PCDHA8: variants seen among roughly 807,000 people sequenced by gnomAD.
The protein encoded by PCDHA8 is protocadherin alpha 8.
Under a neutral mutation model 61.8 loss-of-function variants are expected in PCDHA8, and 53 were observed. The ratio of observed to expected loss-of-function variants is 0.86; its 90% CI spans 0.69 to 1.08. The LOEUF is 1.08. PCDHA8 is among the 50% of genes least tolerant of loss of function. The pLI, the probability that PCDHA8 is intolerant of heterozygous loss-of-function variation, is 0.00. For synonymous variants in PCDHA8, 618 were observed against 556.6 expected (o/e 1.11, Z -1.55); for missense variants, 1,293 against 1,245.0 (o/e 1.04, Z -0.58).
intron 1 of PCDHA8, chr5:140,853,980 G>A: frequency 1.8e-6 from 1 of 544,346 alleles, no homozygotes; most frequent in Non-Finnish European, 2.4e-6. Flanking sequence ...TGAGACCAAT[G>A]TAGTGAGACT....
At chr5:140,873,078 T>A (rs1375879471) in intron 1 of PCDHA8, among the ~76,000 whole-genome samples, 19 of 152,184 alleles carry the variant, frequency 1.2e-4, no homozygotes, top group Admixed American at 9.2e-4. Flanking sequence ...ATCTAGCTAT[T>A]TCCCCCCCGT....
At chr5:140,876,315 C>G (rs2056279391) in intron 1 of PCDHA8, 1 of 1,613,840 alleles carries the variant, frequency 6.2e-7, no homozygotes, top group African/African-American at 1.3e-5. Flanking sequence ...CCTATGGGAT[C>G]AAAATGATTT....
chr5:140,945,828 A>T (rs2093847646), intron 1 of PCDHA8, among the ~76,000 whole-genome samples: 1 of 152,176 alleles, frequency 6.6e-6, no homozygotes, highest in Admixed American at 6.5e-5. Flanking sequence ...TACAAAAGTC[A>T]ACTCAAAATG....
At chr5:140,868,091 GATA>G (rs1310708872) in intron 1 of PCDHA8, 1 of 151,974 alleles carries the variant, frequency 6.6e-6, no homozygotes, top group Non-Finnish European at 1.5e-5. Context: ...TTTATAAAAT[GATA>G]ATAAAATTTA....
intron 1 of PCDHA8, among the ~76,000 whole-genome samples, chr5:140,933,146 C>G (rs1554209206): frequency 1.3e-5 from 2 of 151,920 alleles, no homozygotes. Context: ...GATAGCCACT[C>G]ATTTTGTTCC....
chr5:140,861,533 C>T (rs890249596), intron 1 of PCDHA8: 6 of 446,700 alleles, frequency 1.3e-5, no homozygotes, highest in South Asian at 7.2e-5. Context: ...TCTCGGAGTG[C>T]AGCATCCACC....
intron 1 of PCDHA8, among the ~76,000 whole-genome samples, chr5:140,903,721 C>A (rs2070530222): frequency 6.6e-6 from 1 of 152,152 alleles, no homozygotes; most frequent in Non-Finnish European, 1.5e-5. Flanking sequence ...ACAATTCTCC[C>A]TATTATCAAT....
At position 140,857,848 on chromosome 5, in the gene PCDHA8, T is replaced by C. The variant is rs781886791; in HGVS notation, c.2394+14133T>C. The C allele has an allele frequency of 1.4e-5, 23 of 1,597,666 alleles. No homozygotes were observed. The highest frequency in any genetic ancestry group is 1.9e-5 in the Non-Finnish European group (22 of 1,167,550). The stretch of plus-strand genomic sequence containing the variant: ...AGGTGCGCGCAGTGGACGCTGACTC[T>C]GGATACAACGCGTGGCTGTCGTATG... On this transcript the variant is annotated intron_variant, in intron 1 of 3. Coordinates refer to ENST00000531613, the MANE Select transcript of PCDHA8 (RefSeq NM_018911.3).
chr5:140,875,530 C>T lies in PCDHA8; in HGVS notation c.2394+31815C>T, dbSNP rs782004877. On this transcript the variant is annotated intron_variant, in intron 1 of 3. Transcript: ENST00000531613. Reference sequence around the variant, plus strand: ...CCAGCGTCTGCTGCTCTCGCTTCTGCTCCTTGCAGCCTGGGAGGTGGGGAG... The same window carrying T: ...CCAGCGTCTGCTGCTCTCGCTTCTGTTCCTTGCAGCCTGGGAGGTGGGGAG... 9 of 1,614,004 alleles carry T rather than the reference C, an allele frequency of 5.6e-6. No individual in the cohort carries two copies. The South Asian group carries it at 8.8e-5, about 16-fold the overall frequency.
At chr5:140,927,818 A>C (rs1554205106) in intron 1 of PCDHA8, 1 of 1,614,190 alleles carries the variant, frequency 6.2e-7, no homozygotes, top group Admixed American at 1.7e-5. Flanking sequence ...TTGGAGGCAT[A>C]CATTGAGGCG....
At chr5:140,937,933 A>T (rs1452935525) in intron 1 of PCDHA8, among the ~76,000 whole-genome samples, 1 of 151,854 alleles carries the variant, frequency 6.6e-6, no homozygotes, top group Non-Finnish European at 1.5e-5. Flanking sequence ...AAAAAGTTTA[A>T]TTTGATAATT....
chr5:140,861,207 AC>A (rs2046795908), intron 1 of PCDHA8: 1 of 165,948 alleles, frequency 6.0e-6, no homozygotes, highest in East Asian at 1.8e-4. Context: ...TGTTTTACTA[AC>A]CAAAAGAGAG....
chr5:141,009,315 C>G (rs1292643535), intron 3 of PCDHA8, among the ~76,000 whole-genome samples: 2 of 152,132 alleles, frequency 1.3e-5, no homozygotes, highest in Admixed American at 6.6e-5. Context: ...AAAAGCTAGC[C>G]TGGCATGGGA....
intron 1 of PCDHA8, 119 bp from the exon 2 acceptor site, chr5:140,978,830 C>T: frequency 6.5e-7 from 1 of 1,535,340 alleles, no homozygotes; most frequent in Non-Finnish European, 8.8e-7. Context: ...TGAAATGGCT[C>T]ATTCAATACT....
intron 1 of PCDHA8, among the ~76,000 whole-genome samples, chr5:140,919,099 C>T (rs972213897): frequency 4.6e-5 from 7 of 152,126 alleles, no homozygotes; most frequent in Non-Finnish European, 7.4e-5. Context: ...CTATTTCTCC[C>T]TTCATTTCTG....
chr5:140,882,577 C>G, intron 1 of PCDHA8: 3 of 1,614,238 alleles, frequency 1.9e-6, no homozygotes, highest in Non-Finnish European at 2.5e-6. Flanking sequence ...CGGAGTGCAG[C>G]ATCCACCTGG....
At chr5:140,981,336 G>A (rs1332617891) in intron 2 of PCDHA8, among the ~76,000 whole-genome samples, 1 of 152,188 alleles carries the variant, frequency 6.6e-6, no homozygotes, top group Non-Finnish European at 1.5e-5. Context: ...CACTTTGGGA[G>A]GGTGAGGCAG....
At chr5:140,862,429 A>G (rs2047360800) in intron 1 of PCDHA8, 1 of 354,378 alleles carries the variant, frequency 2.8e-6, no homozygotes, top group Admixed American at 3.8e-5. Context: ...CCCAGAAACT[A>G]TTCGTTGGTA....
At chr5:140,959,712 T>G (rs166567) in intron 1 of PCDHA8, among the ~76,000 whole-genome samples, 1 of 152,020 alleles carries the variant, frequency 6.6e-6, no homozygotes, top group African/African-American at 2.4e-5. Flanking sequence ...AAAGGGAAAA[T>G]TTTTAGATAA....
Sources: gnomAD v4.1 joint callset for allele counts (sites outside exome capture counted in the v4.1 genomes callset) on GRCh38, gnomAD v4.1.1 for gene constraint, MANE v1.5 for transcripts, NCBI Gene and HGNC (gene_info 2026-07-23, HGNC 2026-07-21) for gene names.